PTPRT: variants seen among roughly 807,000 people sequenced by gnomAD.
The protein encoded by PTPRT is receptor-type tyrosine-protein phosphatase T.
PTPRT carries 56 observed loss-of-function variants against 176.8 expected under a neutral mutation model. The ratio of observed to expected loss-of-function variants is 0.32; its 90% CI spans 0.26 to 0.40. PTPRT has a LOEUF of 0.40. Among genes scored for constraint, PTPRT ranks in the 10% least tolerant of loss-of-function variants. The pLI, the probability that PTPRT is intolerant of heterozygous loss-of-function variation, is 1.00. For synonymous variants in PTPRT, 783 were observed against 739.0 expected, an observed-to-expected ratio of 1.06 and a Z score of -0.96; for missense variants, 1,540 against 1,908.2, an observed-to-expected ratio of 0.81 and a Z score of 3.60.
intron 1 of PTPRT, among the ~76,000 whole-genome samples, chr20:43,128,032 CT>C (rs1329773873): frequency 4.6e-5 from 7 of 152,220 alleles, no homozygotes; most frequent in African/African-American, 1.4e-4. Flanking sequence ...AAAAGCTACT[CT>C]TTCCATAGTA....
chr20:42,046,449 A>G, the PTPRT span, among the ~76,000 whole-genome samples: 5 of 152,324 alleles, frequency 3.3e-5, no homozygotes, highest in East Asian at 1.9e-4. Context: ...TTCACCAACC[A>G]TCAGGCAGCC....
intron 15 of PTPRT, among the ~76,000 whole-genome samples, chr20:42,210,720 C>T (rs1408514424): frequency 6.6e-6 from 1 of 151,988 alleles, no homozygotes; most frequent in Non-Finnish European, 1.5e-5. Flanking sequence ...GCCATACTGC[C>T]CAAGGTAATT....
intron 9 of PTPRT, among the ~76,000 whole-genome samples, chr20:42,441,803 G>A (rs547865891): frequency 1.3e-3 from 202 of 152,290 alleles, no homozygotes; most frequent in Non-Finnish European, 2.2e-3. Flanking sequence ...CAATTTAGAG[G>A]AAACAAGAGC....
intron 9 of PTPRT, 100 bp from the exon 10 acceptor site, chr20:42,352,385 C>T: frequency 1.7e-6 from 2 of 1,193,228 alleles, no homozygotes; most frequent in Non-Finnish European, 1.2e-6. Flanking sequence ...GGGGAAGGGG[C>T]AGGCATGTGA....
At position 42,517,341 on chromosome 20, in the gene PTPRT, G is replaced by A. The variant is rs758057005; in HGVS notation, c.1154-44779C>T. Among the ~76,000 whole-genome samples the A allele has an allele frequency of 4.3e-4, 66 of 151,828 alleles. 1 individual carries two copies. Among genetic ancestry groups the A allele is most frequent in the Middle Eastern group, 3.5e-3 (1 of 282 alleles). On this transcript the variant is annotated intron_variant, in intron 7 of 30. Transcript: ENST00000373187. ...TAATATTATCTTTTACATCACTGAT[G>A]CATTTATAATCGTATTTTTTCACAT...
At chr20:42,212,077 C>T (rs2055648320) in intron 15 of PTPRT, among the ~76,000 whole-genome samples, 1 of 139,038 alleles carries the variant, frequency 7.2e-6, no homozygotes, top group Non-Finnish European at 1.5e-5. Context: ...TATTCTCACT[C>T]ATAGATGGGA....
intron 17 of PTPRT, among the ~76,000 whole-genome samples, chr20:42,144,613 T>A (rs950764880): frequency 3.9e-5 from 6 of 151,910 alleles, no homozygotes; most frequent in Non-Finnish European, 8.8e-5. Flanking sequence ...GGACGGGCAG[T>A]TAAGGGAGTG....
rs778070804 is a variant in PTPRT at position 42,702,928 on chromosome 20, G to A, written c.860-24769C>T. ...ACAATTCTTCTGGTTAAGCACCTTC[G>A]CAAATTTCTCTTAAAGACCCCTATC... On this transcript the variant is annotated intron_variant, in intron 6 of 30. Coordinates refer to ENST00000373187, the MANE Select transcript of PTPRT (RefSeq NM_007050.6). Among the ~76,000 whole-genome samples the A allele has an allele frequency of 1.1e-4, 16 of 152,198 alleles. No individual in the cohort carries two copies. In the South Asian group the frequency reaches 1.2e-3, roughly 12 times the overall value.
intron 8 of PTPRT, among the ~76,000 whole-genome samples, chr20:42,450,218 T>G (rs1030784875): frequency 6.6e-6 from 1 of 152,262 alleles, no homozygotes; most frequent in African/African-American, 2.4e-5. Context: ...CATGCAACTC[T>G]GCAGATAGAC....
At chr20:42,383,489 C>T (rs151123867) in intron 9 of PTPRT, among the ~76,000 whole-genome samples, 1 of 151,952 alleles carries the variant, frequency 6.6e-6, no homozygotes, top group African/African-American at 2.4e-5. Context: ...ACCAAGAGGG[C>T]TTCTAGTATA....
intron 7 of PTPRT, among the ~76,000 whole-genome samples, chr20:42,589,683 C>G (rs540341490): frequency 2.8e-4 from 43 of 152,230 alleles, no homozygotes; most frequent in African/African-American, 1.0e-3. Context: ...TTCCTAGGAG[C>G]CTTGCAACTC....
At position 42,085,212 on chromosome 20, in the gene PTPRT, G is replaced by T. The variant is rs148032497; in HGVS notation, c.3973-367C>A. On this transcript the variant is annotated intron_variant, in intron 28 of 30. Coordinates refer to ENST00000373187, the MANE Select transcript of PTPRT (RefSeq NM_007050.6). The stretch of plus-strand genomic sequence containing the variant: ...TGGACAGTGAACTCTGAGCAGGGGG[G>T]TAGGGGAGGTGCTGAGCTCCTTTCA... 7.9e-4 allele frequency among the ~76,000 whole-genome samples: 120 copies of T among 152,254 alleles called. 1 individual carries two copies. The highest frequency in any genetic ancestry group is 2.0e-3 in the African/African-American group (84 of 41,544).
At chr20:42,890,320 A>G (rs1299600264) in intron 1 of PTPRT, among the ~76,000 whole-genome samples, 4 of 152,176 alleles carry the variant, frequency 2.6e-5, no homozygotes, top group Non-Finnish European at 4.4e-5. Context: ...ACATTGAGAA[A>G]CAGAGTGGCT....
At position 42,883,295 on chromosome 20, in the gene PTPRT, C is replaced by A. The variant is rs907869850; in HGVS notation, c.214+2512G>T. On this transcript the variant is annotated intron_variant, in intron 2 of 30. Transcript: ENST00000373187. ...AGGAAACAGACAATGGTTGTGTTCA[C>A]CAGGGCAGTGGTGGCAGAGATGGAG... 3.9e-5 allele frequency among the ~76,000 whole-genome samples: 6 copies of A among 152,116 alleles called. No homozygotes were observed. The South Asian group carries it at 6.2e-4, about 16-fold the overall frequency.
At chr20:43,027,635 G>A (rs1408286073) in intron 1 of PTPRT, among the ~76,000 whole-genome samples, 1 of 152,108 alleles carries the variant, frequency 6.6e-6, no homozygotes, top group East Asian at 1.9e-4. Flanking sequence ...GCCAAGGAGA[G>A]AGGCCTCAGG....
the PTPRT span, among the ~76,000 whole-genome samples, chr20:42,062,256 A>G: frequency 6.6e-6 from 1 of 152,210 alleles, no homozygotes; most frequent in African/African-American, 2.4e-5. Context: ...TTTGGAATAG[A>G]GTCAGCTGGG....
intron 1 of PTPRT, among the ~76,000 whole-genome samples, chr20:43,142,045 C>T (rs2014026913): frequency 6.6e-6 from 1 of 152,218 alleles, no homozygotes; most frequent in Non-Finnish European, 1.5e-5. Flanking sequence ...ATTACTTCAG[C>T]TCTTCTACAT....
chr20:42,355,219 G>C (rs2058342668), intron 9 of PTPRT, among the ~76,000 whole-genome samples: 1 of 152,082 alleles, frequency 6.6e-6, no homozygotes. Flanking sequence ...CCCCTCCTTG[G>C]TATTCCTGCA....
chr20:43,000,095 G>C (rs865854433), intron 1 of PTPRT, among the ~76,000 whole-genome samples: 1 of 116,294 alleles, frequency 8.6e-6, no homozygotes, highest in African/African-American at 3.2e-5. Flanking sequence ...GGGAGGGAGG[G>C]AGGGAATAAA....
Sources: gnomAD v4.1 joint callset for allele counts (sites outside exome capture counted in the v4.1 genomes callset) on GRCh38, gnomAD v4.1.1 for gene constraint, MANE v1.5 for transcripts, NCBI Gene and HGNC (gene_info 2026-07-23, HGNC 2026-07-21) for gene names.